The following GRK5 variants were observed in gnomAD, a reference collection of about 807,000 sequenced individuals.
GRK5 encodes G protein-coupled receptor kinase 5.
A neutral mutation model predicts 78.4 loss-of-function variants in GRK5; 40 were observed. The ratio of observed to expected loss-of-function variants is 0.51; its 90% CI spans 0.40 to 0.66. The LOEUF is 0.66. GRK5 is among the 30% of genes least tolerant of loss of function. The pLI is 0.00. For synonymous variants in GRK5, 289 were observed against 296.8 expected (o/e 0.97, Z 0.27); for missense variants, 598 against 759.9 (o/e 0.79, Z 2.50).
intron 1 of GRK5, among the ~76,000 whole-genome samples, chr10:119,276,966 T>C (rs902726055): frequency 1.3e-5 from 2 of 152,220 alleles, no homozygotes; most frequent in African/African-American, 4.8e-5. Context: ...TCTGTACCAA[T>C]TTATATTGGC....
chr10:119,289,295 T>C (rs1849911361), intron 1 of GRK5, among the ~76,000 whole-genome samples: 3 of 152,210 alleles, frequency 2.0e-5, no homozygotes, highest in Admixed American at 1.3e-4. Flanking sequence ...CTTTTGGTTA[T>C]TGTGATCAAG....
rs563560668 is a variant in GRK5 at position 119,430,720 on chromosome 10, G to C, written c.597+282G>C. 2.0e-5 allele frequency among the ~76,000 whole-genome samples: 3 copies of C among 152,214 alleles called. No individual in the cohort carries two copies. Among genetic ancestry groups the C allele is most frequent in the African/African-American group, 7.2e-5 (3 of 41,542 alleles). Reference sequence around the variant, plus strand: ...CTGCAGAGGACAAATGGGCAGCCCTGGTCGTGTGTGGGGAGGAGATGTGAG... The same window carrying C: ...CTGCAGAGGACAAATGGGCAGCCCTCGTCGTGTGTGGGGAGGAGATGTGAG... On this transcript the variant is annotated intron_variant, in intron 7 of 15. Transcript: ENST00000392870. This position sits in a 1 kb window ranked among gnomAD's most constrained non-coding sequence, Gnocchi z 4.5.
At position 119,430,395 on chromosome 10, in the gene GRK5, C is replaced by G; in HGVS notation, c.554C>G (p.Thr185Ser). Residue 185 changes from threonine to serine, a missense_variant, in exon 7 of 16, where the codon ACT becomes AGT. Coordinates refer to ENST00000392870, the MANE Select transcript of GRK5 (RefSeq NM_005308.3). This position sits in a 1 kb window ranked among gnomAD's most constrained non-coding sequence, Gnocchi z 4.5. ...TCCAGGCAACCGGTGACCAAAAACA[C>G]TTTCAGGCAGTATCGAGTGCTAGGA... The part of the protein sequence containing the change: ...WLERQPVTKN[T>S]FRQYRVLGKG... The G allele has an allele frequency of 6.2e-7, 1 of 1,613,708 alleles. No individual in the cohort carries two copies.
At chr10:119,248,301 C>T (rs1849146487) in intron 1 of GRK5, among the ~76,000 whole-genome samples, 2 of 152,220 alleles carry the variant, frequency 1.3e-5, no homozygotes, top group African/African-American at 4.8e-5. Context: ...AAGTGAGCCA[C>T]TATCGCTGGC....
intron 2 of GRK5, among the ~76,000 whole-genome samples, chr10:119,335,767 T>G (rs1850875507): frequency 6.6e-6 from 1 of 152,228 alleles, no homozygotes; most frequent in Non-Finnish European, 1.5e-5. Flanking sequence ...AGGCCACCCT[T>G]GTCCAGCAGC....
intron 1 of GRK5, among the ~76,000 whole-genome samples, chr10:119,257,013 C>T (rs1406837459): frequency 1.3e-5 from 2 of 152,196 alleles, no homozygotes; most frequent in African/African-American, 2.4e-5. Context: ...GTTAATTTCA[C>T]GTAGCATAGT....
chr10:119,267,542 C>T lies in GRK5; in HGVS notation c.53-58974C>T, dbSNP rs1242290514. Among the ~76,000 whole-genome samples the T allele has an allele frequency of 6.6e-6, 1 of 152,204 alleles. No homozygotes were observed. The highest frequency in any genetic ancestry group is 1.5e-5 in the Non-Finnish European group (1 of 68,036). Reference sequence around the variant, plus strand: ...CCCACCCTGGGTTGGGCAGCCCTCTCCACAGGATGGCAAGGGGCTGGAGGC... The same window carrying T: ...CCCACCCTGGGTTGGGCAGCCCTCTTCACAGGATGGCAAGGGGCTGGAGGC... On this transcript the variant is annotated intron_variant, in intron 1 of 15. Transcript: ENST00000392870. The surrounding 1 kb of genome is among the most constrained non-coding windows in gnomAD (Gnocchi z 4.1).
At chr10:119,281,456 AGTG>A (rs1849760753) in intron 1 of GRK5, among the ~76,000 whole-genome samples, 2 of 152,128 alleles carry the variant, frequency 1.3e-5, no homozygotes, top group African/African-American at 4.8e-5. Context: ...AGCACCCAGA[AGTG>A]GTGATGGCTC....
In GRK5 at chr10:119,431,455, C is replaced by G; in HGVS notation, c.666C>G (p.Ile222Met). 1 of 1,613,976 alleles carries G rather than the reference C, an allele frequency of 6.2e-7. No individual in the cohort carries two copies. The highest frequency in any genetic ancestry group is 8.5e-7 in the Non-Finnish European group (1 of 1,179,948). ...GCAAGCGCTTGGAGAAGAAGAGGATCAAAAAGAGGAAAGGGGAGTCCATGG... is the reference window on the plus strand; with the variant it reads ...GCAAGCGCTTGGAGAAGAAGAGGATGAAAAAGAGGAAAGGGGAGTCCATGG... The part of the protein sequence containing the change: ...YACKRLEKKR[I>M]KKRKGESMAL... The change falls in exon 8 of 16, where the codon ATC becomes ATG. Residue 222 changes from isoleucine (I) to methionine (M), a missense_variant. Coordinates refer to ENST00000392870, the MANE Select transcript of GRK5 (RefSeq NM_005308.3). This position sits in a 1 kb window ranked among gnomAD's most constrained non-coding sequence, Gnocchi z 4.8.
intron 1 of GRK5, among the ~76,000 whole-genome samples, chr10:119,289,231 C>G (rs1433389967): frequency 6.6e-6 from 1 of 152,146 alleles, no homozygotes; most frequent in Admixed American, 6.5e-5. Context: ...AGCCACTTCT[C>G]TGTGGCCCCT....
chr10:119,260,727 G>A (rs1849368978), intron 1 of GRK5, among the ~76,000 whole-genome samples: 1 of 151,044 alleles, frequency 6.6e-6, no homozygotes, highest in Admixed American at 6.6e-5. Context: ...TGGGGGTAAG[G>A]TCACAGATCA....
At position 119,452,490 on chromosome 10, in the gene GRK5, CCGA is replaced by C; in HGVS notation, c.1405-179_1405-177del. On this transcript the variant is annotated intron_variant, in intron 13 of 15. Coordinates refer to ENST00000392870, the MANE Select transcript of GRK5 (RefSeq NM_005308.3). This position sits in a 1 kb window ranked among gnomAD's most constrained non-coding sequence, Gnocchi z 4.4. The stretch of plus-strand genomic sequence containing the variant: ...AGGAAGCCCAGCCAAGCCACTGGGG[CCGA>C]CCCCTCCCCTGGACTCACCTGCATC... 1.4e-5 allele frequency: 9 copies of C among 625,836 alleles called. No homozygotes were observed. Among genetic ancestry groups the C allele is most frequent in the Non-Finnish European group, 2.1e-5 (8 of 372,404 alleles). 38.8% of individuals were successfully genotyped at this position (625,836 alleles called of 1,614,324 possible). A position where few individuals can be genotyped will look rare whatever the true frequency, so the allele number is the denominator to read the frequency against.
At chr10:119,309,800 G>A in intron 1 of GRK5, among the ~76,000 whole-genome samples, 1 of 152,164 alleles carries the variant, frequency 6.6e-6, no homozygotes, top group East Asian at 1.9e-4. Flanking sequence ...CCCAGCTCTT[G>A]CCTGTCCCTT....
chr10:119,319,194 C>T (rs1165630749), intron 1 of GRK5, among the ~76,000 whole-genome samples: 6 of 152,256 alleles, frequency 3.9e-5, no homozygotes, highest in Admixed American at 3.3e-4. Context: ...TGGAGGACAT[C>T]GCTGGCAGCT....
chr10:119,415,081 C>CAAAAAAAA (rs762165768), intron 4 of GRK5, among the ~76,000 whole-genome samples: 24 of 75,612 alleles, frequency 3.2e-4, no homozygotes, highest in African/African-American at 3.8e-4. Context: ...GACTCTGTCT[C>CAAAAAAAA]AAAAAAAAAA....
In GRK5 at chr10:119,452,289, G is replaced by A. The variant is rs903491819; in HGVS notation, c.1405-382G>A. 1.3e-5 allele frequency among the ~76,000 whole-genome samples: 2 copies of A among 152,158 alleles called. No homozygotes were observed. Among genetic ancestry groups the A allele is most frequent in the Non-Finnish European group, 2.9e-5 (2 of 68,022 alleles). On this transcript the variant is annotated intron_variant, in intron 13 of 15. Transcript: ENST00000392870. This position sits in a 1 kb window ranked among gnomAD's most constrained non-coding sequence, Gnocchi z 4.4. ...CCCCACAGCTGGGACTCTAGCCCACGTCTGTCCAGTATGGGTAAGGGAGTG... is the reference window on the plus strand; with the variant it reads ...CCCCACAGCTGGGACTCTAGCCCACATCTGTCCAGTATGGGTAAGGGAGTG...
chr10:119,389,654 A>T (rs1462554017), intron 3 of GRK5, among the ~76,000 whole-genome samples: 1 of 152,222 alleles, frequency 6.6e-6, no homozygotes, highest in Non-Finnish European at 1.5e-5. Context: ...GAGCCAAGGC[A>T]GGCCAACGAG....
chr10:119,394,276 G>GTC (rs1428086332), intron 3 of GRK5, among the ~76,000 whole-genome samples: 4 of 6,678 alleles, frequency 6.0e-4, no homozygotes, highest in Non-Finnish European at 1.3e-3. Context: ...GTGTGTGGGC[G>GTC]TGTGTGTGGG....
chr10:119,240,815 C>T (rs1234712599), intron 1 of GRK5, among the ~76,000 whole-genome samples: 4 of 152,032 alleles, frequency 2.6e-5, no homozygotes, highest in African/African-American at 9.7e-5. Flanking sequence ...CTCCTGAGCT[C>T]AAGCAATCTT....
Sources: allele counts gnomAD v4.1 joint callset (sites outside exome capture counted in the v4.1 genomes callset), GRCh38; gene constraint gnomAD v4.1.1; non-coding constraint Gnocchi (gnomAD v3.1); transcripts MANE v1.5; gene names NCBI Gene and HGNC (gene_info 2026-07-23, HGNC 2026-07-21).